Variants in PACRG observed in about 807,000 individuals in gnomAD.
PACRG encodes the protein parkin coregulated gene protein.
In PACRG, 29 loss-of-function variants were observed where a neutral mutation model predicts 29.7. The observed-to-expected ratio is 0.98, with a 90% CI of 0.73 to 1.33. PACRG has a LOEUF of 1.33. Among genes scored for constraint, PACRG ranks in the 40% most tolerant of loss-of-function variants. The pLI, the probability that PACRG is intolerant of heterozygous loss-of-function variation, is 0.00. For synonymous variants in PACRG, 116 were observed against 118.7 expected (o/e 0.98, Z 0.15); for missense variants, 279 against 316.2 (o/e 0.88, Z 0.89).
chr6:163,076,471 G>A (rs941740788), intron 3 of PACRG, among the ~76,000 whole-genome samples: 2 of 152,074 alleles, frequency 1.3e-5, no homozygotes, highest in Non-Finnish European at 2.9e-5. Flanking sequence ...AACTTAGCTC[G>A]TAGGGAAAAA....
chr6:163,083,855 T>C (rs1813298110), intron 3 of PACRG, among the ~76,000 whole-genome samples: 1 of 152,194 alleles, frequency 6.6e-6, no homozygotes, highest in African/African-American at 2.4e-5. Flanking sequence ...CCTTTTTTCC[T>C]GATACCACAA....
chr6:163,269,983 GAAA>G (rs1783756474), intron 4 of PACRG, among the ~76,000 whole-genome samples: 1 of 100,382 alleles, frequency 1.0e-5, no homozygotes, highest in Non-Finnish European at 2.1e-5. Context: ...AAGAAAGAAA[GAAA>G]GAAAGAAAGA....
chr6:163,216,566 G>T (rs1005396729), intron 4 of PACRG, among the ~76,000 whole-genome samples: 13 of 152,198 alleles, frequency 8.5e-5, no homozygotes, highest in Non-Finnish European at 1.8e-4. Context: ...GCAAATGAGA[G>T]CTTAATGGCT....
chr6:163,146,003 T>A (rs1474341172), intron 4 of PACRG, among the ~76,000 whole-genome samples: 1 of 152,152 alleles, frequency 6.6e-6, no homozygotes, highest in Non-Finnish European at 1.5e-5. Context: ...ATTATTGAAT[T>A]TCAGTTTTGT....
At chr6:163,296,114 A>G (rs1174257650) in intron 4 of PACRG, among the ~76,000 whole-genome samples, 1 of 152,236 alleles carries the variant, frequency 6.6e-6, no homozygotes, top group Non-Finnish European at 1.5e-5. Context: ...TTCAGGAAAT[A>G]TAGGCCCCCA....
intron 4 of PACRG, among the ~76,000 whole-genome samples, chr6:163,304,015 CAAAA>C (rs59861286): frequency 0.028 from 2,164 of 76,286 alleles, 26 homozygotes; most frequent in South Asian, 0.085. Flanking sequence ...GACTCCATTT[CAAAA>C]AAAAAAAAAA....
At chr6:162,923,137 A>G (rs1307596854) in intron 2 of PACRG, among the ~76,000 whole-genome samples, 1 of 152,164 alleles carries the variant, frequency 6.6e-6, no homozygotes, top group East Asian at 1.9e-4. Flanking sequence ...GATGCTGAGC[A>G]TTTAAAAAAT....
intron 4 of PACRG, among the ~76,000 whole-genome samples, chr6:163,150,719 G>A (rs1357466392): frequency 2.0e-5 from 3 of 152,250 alleles, no homozygotes; most frequent in African/African-American, 7.2e-5. Context: ...TCCATTGGCG[G>A]TTACCCCGCT....
At chr6:163,041,494 T>C (rs1808717211) in intron 2 of PACRG, among the ~76,000 whole-genome samples, 1 of 152,178 alleles carries the variant, frequency 6.6e-6, no homozygotes, top group Non-Finnish European at 1.5e-5. Flanking sequence ...TCCTCTGCGC[T>C]GTCTCTCTCC....
rs148665494 is a variant in PACRG, at chr6:163,202,723, A to G, written c.614-112104A>G. On this transcript the variant is annotated intron_variant, in intron 4 of 4. Transcript: ENST00000366888. ...TCCTTGCTTGCAATTTATCTAAGCA[A>G]TCCATACCAAAAAAAAGTAATAAAT... is the stretch of plus-strand genomic sequence containing the variant. Among the ~76,000 whole-genome samples the G allele has an allele frequency of 1.7e-4, 26 of 152,306 alleles. 1 individual carries two copies. The East Asian group carries it at 4.6e-3, about 27-fold the overall frequency.
intron 2 of PACRG, among the ~76,000 whole-genome samples, chr6:163,002,381 T>A (rs573062101): frequency 6.6e-6 from 1 of 152,136 alleles, no homozygotes; most frequent in Non-Finnish European, 1.5e-5. Context: ...AAGCCTTCCT[T>A]CCACTTGACC....
At chr6:163,130,046 T>C (rs575355402) in intron 4 of PACRG, among the ~76,000 whole-genome samples, 16 of 152,148 alleles carry the variant, frequency 1.1e-4, no homozygotes, top group Non-Finnish European at 1.9e-4. Context: ...CCTGGGGACA[T>C]AGTGGGACAA....
intron 2 of PACRG, among the ~76,000 whole-genome samples, chr6:162,958,343 A>G (rs1800226587): frequency 6.6e-6 from 1 of 152,154 alleles, no homozygotes; most frequent in South Asian, 2.1e-4. Flanking sequence ...TAGCTCAGAT[A>G]AGGATTTTTT....
At chr6:162,880,150 T>C (rs553392268) in intron 2 of PACRG, among the ~76,000 whole-genome samples, 1 of 152,368 alleles carries the variant, frequency 6.6e-6, no homozygotes, top group East Asian at 1.9e-4. Flanking sequence ...AGGAAAGGTC[T>C]GATCTTCTGC....
intron 2 of PACRG, among the ~76,000 whole-genome samples, chr6:162,935,682 ATTTTC>A (rs1452173488): frequency 6.6e-6 from 1 of 151,574 alleles, no homozygotes; most frequent in Non-Finnish European, 1.5e-5. Context: ...CATTTCATAG[ATTTTC>A]TTTTCTTTTC....
At chr6:162,809,379 C>T (rs1219674470) in intron 1 of PACRG, among the ~76,000 whole-genome samples, 1 of 152,160 alleles carries the variant, frequency 6.6e-6, no homozygotes, top group Non-Finnish European at 1.5e-5. Flanking sequence ...GAATTTCTCA[C>T]TGTCAAGTGA....
rs148534742 is a variant in PACRG at position 162,963,081 on chromosome 6, A to C, written c.292-99069A>C. Among the ~76,000 whole-genome samples, 1,194 of 152,316 alleles carry C rather than the reference A, an allele frequency of 7.8e-3. 9 individuals carry two copies. The highest frequency in any genetic ancestry group is 0.013 in the Non-Finnish European group (868 of 68,032). Reference sequence around the variant, plus strand: ...AGATGTCTAGGAAAGTATAGGATAAAAATCAGAATAACTAAAAACTTAGTT... The same window carrying C: ...AGATGTCTAGGAAAGTATAGGATAACAATCAGAATAACTAAAAACTTAGTT... On this transcript the variant is annotated intron_variant, in intron 2 of 4. Transcript: ENST00000366888.
At chr6:163,012,781 T>G (rs1185445318) in intron 2 of PACRG, among the ~76,000 whole-genome samples, 1 of 152,242 alleles carries the variant, frequency 6.6e-6, no homozygotes, top group African/African-American at 2.4e-5. Context: ...TGTAAATACT[T>G]GAGTGCAGGC....
intron 2 of PACRG, among the ~76,000 whole-genome samples, chr6:162,941,921 C>A (rs1798658531): frequency 6.6e-6 from 1 of 152,094 alleles, no homozygotes; most frequent in South Asian, 2.1e-4. Context: ...TTGCTCTACC[C>A]AGCTGTAAAA....
Sources: gnomAD v4.1 joint callset for allele counts (sites outside exome capture counted in the v4.1 genomes callset) on GRCh38, gnomAD v4.1.1 for gene constraint, MANE v1.5 for transcripts, NCBI Gene and HGNC (gene_info 2026-07-23, HGNC 2026-07-21) for gene names.